Variants in RBFOX1 observed in about 807,000 individuals in gnomAD.
The protein encoded by RBFOX1 is RNA binding protein fox-1 homolog 1.
Under a neutral mutation model 57.7 loss-of-function variants are expected in RBFOX1, and 8 were observed. That is an observed-to-expected ratio of 0.14 (90% CI 0.08 to 0.25). RBFOX1 has a LOEUF of 0.25. Ranked by LOEUF, RBFOX1 falls within the 10% of genes least tolerant of loss-of-function variation. RBFOX1 has a pLI of 1.00. For synonymous variants in RBFOX1, 326 were observed against 222.4 expected, an observed-to-expected ratio of 1.47 and a Z score of -4.15; for missense variants, 611 against 548.5, an observed-to-expected ratio of 1.11 and a Z score of -1.14.
At chr16:6,555,778 A>G (rs369046249) in intron 2 of RBFOX1, among the ~76,000 whole-genome samples, 5 of 152,124 alleles carry the variant, frequency 3.3e-5, no homozygotes, top group Admixed American at 2.0e-4. Flanking sequence ...TTAGTTACGC[A>G]CTTGTGTGTA....
chr16:6,651,227 C>G (rs528777188), intron 2 of RBFOX1, among the ~76,000 whole-genome samples: 4 of 152,280 alleles, frequency 2.6e-5, no homozygotes, highest in Admixed American at 2.6e-4. Flanking sequence ...TTGTAACTCC[C>G]TACACAACCC....
rs370883152 is a variant in RBFOX1, at chr16:6,899,161, CAT to C, written c.-15-152895_-15-152894del. ...TGTGTATGGACACACGTGTATGTAA[CAT>C]GTGTATGTGTGTGTATAATATGTGT... On this transcript the variant is annotated intron_variant, in intron 3 of 15. Transcript: ENST00000550418. Among the ~76,000 whole-genome samples the C allele has an allele frequency of 5.6e-3, 813 of 145,572 alleles. 8 individuals carry two copies. The highest frequency in any genetic ancestry group is 0.019 in the African/African-American group (750 of 39,832).
intron 3 of RBFOX1, among the ~76,000 whole-genome samples, chr16:5,706,158 G>T (rs1036153139): frequency 1.3e-5 from 2 of 152,206 alleles, no homozygotes; most frequent in South Asian, 4.1e-4. Flanking sequence ...TGATCTGCCA[G>T]CCTCGGCCTC....
At chr16:7,265,101 T>C (rs749016003) in intron 4 of RBFOX1, among the ~76,000 whole-genome samples, 10 of 152,250 alleles carry the variant, frequency 6.6e-5, no homozygotes, top group Non-Finnish European at 1.2e-4. Flanking sequence ...GCAATATTTA[T>C]TGAATTACTA....
At chr16:7,420,321 A>G (rs577357429) in intron 4 of RBFOX1, among the ~76,000 whole-genome samples, 44 of 152,342 alleles carry the variant, frequency 2.9e-4, no homozygotes, top group African/African-American at 1.0e-3. Flanking sequence ...GAATCTGTTT[A>G]TCATCTTATG....
chr16:7,016,601 T>C (rs995284347), intron 3 of RBFOX1, among the ~76,000 whole-genome samples: 4 of 152,146 alleles, frequency 2.6e-5, no homozygotes, highest in Non-Finnish European at 5.9e-5. Context: ...TCCACTTGGG[T>C]AGACACGCCT....
intron 6 of RBFOX1, among the ~76,000 whole-genome samples, chr16:7,583,374 G>A (rs1165045857): frequency 6.6e-6 from 1 of 152,154 alleles, no homozygotes; most frequent in East Asian, 1.9e-4. Context: ...TAGGTATCAT[G>A]CATGAGCATG....
intron 3 of RBFOX1, among the ~76,000 whole-genome samples, chr16:6,958,029 A>T (rs1032973494): frequency 4.6e-5 from 7 of 152,142 alleles, no homozygotes; most frequent in Non-Finnish European, 5.9e-5. Flanking sequence ...TGAGAATACC[A>T]GGAGGCATGG....
rs188225366 is a variant in RBFOX1, at chr16:5,380,053, C to T, written c.220-87163C>T. On this transcript the variant is annotated intron_variant, in intron 1 of 2. Coordinates refer to the RBFOX1 transcript ENST00000585867. ...ACAGCACCCAGCTGTGACAGGAAGC[C>T]GGTGACTAAGGATGTGCTTCCCAAT... Among the ~76,000 whole-genome samples the T allele has an allele frequency of 1.1e-3, 167 of 152,198 alleles. 1 individual carries two copies. Among genetic ancestry groups the T allele is most frequent in the South Asian group, 6.8e-3 (33 of 4,820 alleles).
At chr16:6,571,636 G>C (rs1300834189) in intron 2 of RBFOX1, among the ~76,000 whole-genome samples, 1 of 152,140 alleles carries the variant, frequency 6.6e-6, no homozygotes, top group Non-Finnish European at 1.5e-5. Flanking sequence ...TCATTACAGA[G>C]AATCTTGGGG....
chr16:6,678,718 T>C (rs1231568281), intron 3 of RBFOX1, among the ~76,000 whole-genome samples: 1 of 151,820 alleles, frequency 6.6e-6, no homozygotes, highest in Non-Finnish European at 1.5e-5. Context: ...TATCTCAGAG[T>C]AGATGCTCTG....
intron 13 of RBFOX1, among the ~76,000 whole-genome samples, chr16:7,665,991 T>A (rs943141301): frequency 9.2e-5 from 14 of 152,236 alleles, no homozygotes; most frequent in African/African-American, 3.4e-4. Context: ...TACTATAATC[T>A]GTGGGTTAGT....
intron 1 of RBFOX1, among the ~76,000 whole-genome samples, chr16:5,285,564 A>T (rs539065148): frequency 6.6e-6 from 1 of 152,176 alleles, no homozygotes; most frequent in African/African-American, 2.4e-5. Flanking sequence ...TGTGCCTCTG[A>T]CATAACCGTC....
intron 4 of RBFOX1, among the ~76,000 whole-genome samples, chr16:7,384,888 A>G (rs1000770765): frequency 1.3e-5 from 2 of 152,214 alleles, no homozygotes; most frequent in Admixed American, 6.5e-5. Context: ...AAATTAATAT[A>G]TGGTTAGTGA....
intron 3 of RBFOX1, among the ~76,000 whole-genome samples, chr16:6,677,677 C>G (rs7204892): frequency 6.6e-6 from 1 of 152,000 alleles, no homozygotes; most frequent in East Asian, 1.9e-4. Context: ...CAAAGTTGGA[C>G]GGCTGTATCC....
intron 7 of RBFOX1, among the ~76,000 whole-genome samples, chr16:7,589,011 C>T (rs2094292220): frequency 6.6e-6 from 1 of 152,214 alleles, no homozygotes; most frequent in African/African-American, 2.4e-5. Context: ...AGATATTTTA[C>T]AATCGTTCTC....
chr16:5,489,766 C>T (rs2042763499), intron 2 of RBFOX1, among the ~76,000 whole-genome samples: 1 of 152,178 alleles, frequency 6.6e-6, no homozygotes, highest in African/African-American at 2.4e-5. Context: ...GCTGTCTCTC[C>T]AAGAGGGCAA....
rs528887594 is a variant in RBFOX1 at position 5,854,519 on chromosome 16, A to G, written c.319-12784A>G. Among the ~76,000 whole-genome samples the G allele has an allele frequency of 5.9e-5, 9 of 152,000 alleles. No homozygotes were observed. In the East Asian group the frequency reaches 1.5e-3, roughly 26 times the overall value. ...GTTGCAAATGGTAGGATTTCCTTTAAGGCTGAATAATGGTGTTTATATGTT... is the reference window on the plus strand; with the variant it reads ...GTTGCAAATGGTAGGATTTCCTTTAGGGCTGAATAATGGTGTTTATATGTT... On this transcript the variant is annotated intron_variant, in intron 3 of 19. Transcript: ENST00000641259.
intron 14 of RBFOX1, among the ~76,000 whole-genome samples, chr16:7,701,483 C>T (rs150117691): frequency 1.3e-5 from 2 of 152,162 alleles, no homozygotes; most frequent in African/African-American, 2.4e-5. Flanking sequence ...GAATCTAATG[C>T]CTGATGATCT....
Sources: allele counts gnomAD v4.1 joint callset (sites outside exome capture counted in the v4.1 genomes callset), GRCh38; gene constraint gnomAD v4.1.1; transcripts MANE v1.5; gene names NCBI Gene and HGNC (gene_info 2026-07-23, HGNC 2026-07-21).